LTBP4: variants seen among roughly 807,000 people sequenced by gnomAD.
LTBP4 encodes the protein latent-transforming growth factor beta-binding protein 4.
A neutral mutation model predicts 180.2 loss-of-function variants in LTBP4; 93 were observed. The ratio of observed to expected loss-of-function variants is 0.52; its 90% CI spans 0.44 to 0.61. The LOEUF (loss-of-function observed/expected upper bound fraction) is 0.61. LTBP4 is among the 20% of genes least tolerant of loss of function. The probability of loss-of-function intolerance (pLI) is 0.00; values close to 1 mark genes in which losing one functional copy is unlikely to be tolerated. For missense variants in LTBP4, 2,116 were observed against 2,256.5 expected, an observed-to-expected ratio of 0.94 and a Z score of 1.26; for synonymous variants, 947 against 934.5, an observed-to-expected ratio of 1.01 and a Z score of -0.24.
upstream of LTBP4, chr19:40,597,133 C>A (rs578186425): frequency 5.3e-3 from 5,802 of 1,086,838 alleles, 20 homozygotes; most frequent in Admixed American, 7.7e-3. Context: ...GAAAGTGAGT[C>A]GGCCTCGGGC....
chr19:40,622,883 G>A lies in LTBP4; in HGVS notation c.3485-67G>A. 1 of 1,519,564 alleles carries A rather than the reference G, an allele frequency of 6.6e-7. No homozygotes were observed. The highest frequency in any genetic ancestry group is 9.0e-7 in the Non-Finnish European group (1 of 1,110,056). The allele number at this position is 1,519,564 out of a possible 1,614,324, so 94.1% of individuals were successfully genotyped here. A position where few individuals can be genotyped will look rare whatever the true frequency, so the allele number is the denominator to read the frequency against. ...GCCAGAGGGACTTTTGTGACAAGTG[G>A]GCACGAGCAGGTCAGGGCTGGGGCT... On this transcript the variant is annotated intron_variant, in intron 23 of 29. Coordinates refer to ENST00000396819, the MANE Select transcript of LTBP4 (RefSeq NM_001042545.2). The surrounding 1 kb of genome is among the most constrained non-coding windows in gnomAD (Gnocchi z 5.1).
rs750946756 is a variant in LTBP4 at position 40,611,302 on chromosome 19, G to A, written c.1961G>A (p.Cys654Tyr). 6 of 1,611,972 alleles carry A rather than the reference G, an allele frequency of 3.7e-6. No individual in the cohort carries two copies. The highest frequency in any genetic ancestry group is 5.1e-6 in the Non-Finnish European group (6 of 1,179,440). ...VDECAQEPPP[C>Y]GPGRCDNTAG... ...GAGTGTGCCCAGGAGCCGCCGCCCT[G>A]TGGGCCCGGCCGCTGTGACAACACG... Residue 654 changes from cysteine to tyrosine, a missense_variant, in exon 13 of 30, where the codon TGT becomes TAT. Cys to Tyr is a radical substitution (Grantham distance 194). Around this residue, in one of 5 missense-constraint regions of LTBP4, gnomAD observed 877 missense variants for 873.6 expected, o/e 1.00. Transcript: ENST00000396819. The surrounding 1 kb of genome is among the most constrained non-coding windows in gnomAD (Gnocchi z 4.4).
upstream of LTBP4, chr19:40,599,229 C>T (rs2081407103): frequency 6.2e-7 from 1 of 1,612,874 alleles, no homozygotes; most frequent in Non-Finnish European, 8.5e-7. Flanking sequence ...CCGGGCCAGA[C>T]GTCTAGGAGG....
In LTBP4 at chr19:40,624,081, C is replaced by T; in HGVS notation, c.3831C>T (p.Leu1277=). 6.4e-7 allele frequency: 1 copy of T among 1,550,694 alleles called. No homozygotes were observed. The highest frequency in any genetic ancestry group is 1.9e-4 in the Middle Eastern group (1 of 5,162). ...RRCVSNESQS[L]DDNLGVCWQE... is the part of the protein sequence containing the mutation. ...GCGTCTCCAACGAGAGCCAGAGCCTCGGTAACCCCGCCCACGCCATCCAGG... is the reference window on the plus strand; with the variant it reads ...GCGTCTCCAACGAGAGCCAGAGCCTTGGTAACCCCGCCCACGCCATCCAGG... The change falls in exon 26 of 30, where the codon CTC becomes CTT. Residue 1277 remains leucine (L), a splice_region_variant and synonymous_variant. Transcript: ENST00000396819.
At chr19:40,625,297 TATATA>T (rs2081623130) in intron 26 of LTBP4, among the ~76,000 whole-genome samples, 1 of 20,548 alleles carries the variant, frequency 4.9e-5, no homozygotes, top group Non-Finnish European at 7.3e-5. Context: ...TATATATATA[TATATA>T]TATATATATA....
intron 19 of LTBP4, among the ~76,000 whole-genome samples, chr19:40,615,689 C>T (rs186433541): frequency 2.6e-5 from 4 of 152,100 alleles, no homozygotes; most frequent in East Asian, 1.9e-4. Context: ...ACCCGGGAGG[C>T]GGAGGTGGCA....
rs548191116 is a variant in LTBP4, at chr19:40,606,939, C to T, written c.991+413C>T. ...AATTTTTTTGTATTTTTGGTAGAGA[C>T]AGGGTTTCGCCACGTTGGCCAGGCT... On this transcript the variant is annotated intron_variant, in intron 6 of 29. Coordinates refer to ENST00000396819, the MANE Select transcript of LTBP4 (RefSeq NM_001042545.2). Among the ~76,000 whole-genome samples, 4 of 152,260 alleles carry T rather than the reference C, an allele frequency of 2.6e-5. No individual in the cohort carries two copies. In the East Asian group the frequency reaches 7.7e-4, roughly 29 times the overall value.
upstream of LTBP4, among the ~76,000 whole-genome samples, chr19:40,596,647 T>A (rs139106657): frequency 2.6e-5 from 4 of 152,154 alleles, no homozygotes; most frequent in East Asian, 7.7e-4. Context: ...ATCAATTCTT[T>A]GAGAAGATCC....
Position 40,607,586 on chromosome 19 carries a change from C to A in LTBP4, c.1156+57C>A, listed in dbSNP as rs1024577975. ...CGCAACACATGTGGCGCTCATTCTA[C>A]GCCCCACCCTCCAACCCTGAGTTCA... On this transcript the variant is annotated intron_variant, in intron 7 of 29. Transcript: ENST00000396819. 1.1e-5 allele frequency: 17 copies of A among 1,502,440 alleles called. No individual in the cohort carries two copies. In the East Asian group the frequency reaches 4.1e-4, roughly 36 times the overall value. The allele number at this position is 1,502,440 out of a possible 1,614,324, so 93.1% of individuals were successfully genotyped here.
chr19:40,613,768 G>T lies in LTBP4; in HGVS notation c.2558-148G>T. The T allele has an allele frequency of 7.6e-7, 1 of 1,323,052 alleles. No homozygotes were observed. Among genetic ancestry groups the T allele is most frequent in the Non-Finnish European group, 1.1e-6 (1 of 951,520 alleles). The allele number at this position is 1,323,052 out of a possible 1,614,324, so 82.0% of individuals were successfully genotyped here. A position where few individuals can be genotyped will look rare whatever the true frequency, so the allele number is the denominator to read the frequency against. On this transcript the variant is annotated intron_variant, in intron 17 of 29. Transcript: ENST00000396819. The surrounding 1 kb of genome is among the most constrained non-coding windows in gnomAD (Gnocchi z 5.0). ...AGAAGCTGTTCTAAACCCGTCGGGG[G>T]GCGGTGTTTGCAGGGAGGGAAGTAG...
At position 40,624,022 on chromosome 19, in the gene LTBP4, C is replaced by T. The variant is rs1235119499; in HGVS notation, c.3772C>T (p.Pro1258Ser). The change falls in exon 26 of 30, where the codon CCC becomes TCC. Residue 1258 changes from proline (P) to serine (S), a missense_variant. By Grantham distance (74) the Pro-to-Ser change is moderately conservative. This residue lies in a region of LTBP4 where 488 missense variants were observed against 458.8 expected (regional missense o/e 1.06). Coordinates refer to ENST00000396819, the MANE Select transcript of LTBP4 (RefSeq NM_001042545.2). ...GGGCTCTTATCACTGTACCTGCGAG[C>T]CCCCACTGGTGCTGGATGGCTCGCA... ...TVGSYHCTCE[P>S]PLVLDGSQRR... 1 of 1,608,702 alleles carries T rather than the reference C, an allele frequency of 6.2e-7. No homozygotes were observed. Among genetic ancestry groups the T allele is most frequent in the South Asian group, 1.1e-5 (1 of 90,442 alleles).
Position 40,601,419 on chromosome 19 carries a change from C to G in LTBP4, c.32C>G (p.Ser11Trp). 7.0e-7 allele frequency: 1 copy of G among 1,422,606 alleles called. No individual in the cohort carries two copies. Among genetic ancestry groups the G allele is most frequent in the Non-Finnish European group, 9.2e-7 (1 of 1,086,160 alleles). 88.1% of individuals were successfully genotyped at this position (1,422,606 alleles called of 1,614,324 possible). A position where few individuals can be genotyped will look rare whatever the true frequency, so the allele number is the denominator to read the frequency against. Residue 11 changes from serine to tryptophan, a missense_variant, in exon 1 of 30, where the codon TCG becomes TGG. Physicochemically the swap from Ser to Trp is radical, Grantham distance 177 (BLOSUM62 -3). Coordinates refer to ENST00000396819, the MANE Select transcript of LTBP4 (RefSeq NM_001042545.2). ...GGCGGCGTGCGGCTGCTCTGGGTGT[C>G]GCTATTGGTGCTGCTGGCGCAGCTA... MAGGVRLLWV[S>W]LLVLLAQLGP...
chr19:40,603,466 C>CT (rs2081437704), intron 1 of LTBP4, among the ~76,000 whole-genome samples: 2 of 152,190 alleles, frequency 1.3e-5, no homozygotes, highest in African/African-American at 4.8e-5. Flanking sequence ...AACTGGTTGT[C>CT]TCCTAGGCGG....
chr19:40,621,178 G>A (rs1249223469), intron 22 of LTBP4, among the ~76,000 whole-genome samples: 4 of 151,932 alleles, frequency 2.6e-5, no homozygotes, highest in African/African-American at 9.7e-5. Flanking sequence ...CCTGACCTCA[G>A]GTCATCCACC....
intron 18 of LTBP4, 96 bp from the exon 19 acceptor site, chr19:40,614,219 C>G: frequency 6.7e-7 from 1 of 1,495,842 alleles, no homozygotes; most frequent in South Asian, 1.2e-5. Context: ...TCCTCTGCTT[C>G]CCCGGCCTCC....
In LTBP4 at chr19:40,612,141, C is replaced by A. The variant is rs1365754252; in HGVS notation, c.2248C>A (p.Gln750Lys). The A allele has an allele frequency of 1.9e-6, 3 of 1,612,942 alleles. No individual in the cohort carries two copies. The East Asian group carries it at 6.7e-5, about 36-fold the overall frequency. ...QECVNSPGSF[Q>K]CRTCPSGHHL... is the part of the protein sequence containing the mutation. The stretch of plus-strand genomic sequence containing the variant: ...GTGTGTGAACTCGCCCGGCTCCTTC[C>A]AGTGCAGGACCTGTCCTTCTGGCCA... Residue 750 changes from glutamine to lysine, a missense_variant, in exon 15 of 30, where the codon CAG becomes AAG. Around this residue, in one of 5 missense-constraint regions of LTBP4, gnomAD observed 877 missense variants for 873.6 expected, o/e 1.00. Transcript: ENST00000396819.
rs2081646812 is a variant in LTBP4, at chr19:40,627,736, G to A, written c.4398G>A (p.Glu1466=). The A allele has an allele frequency of 6.3e-7, 1 of 1,597,928 alleles. No individual in the cohort carries two copies. The highest frequency in any genetic ancestry group is 8.5e-7 in the Non-Finnish European group (1 of 1,173,746). Residue 1466 remains glutamate, a synonymous_variant, in exon 29 of 30, where the codon GAG becomes GAA. Transcript: ENST00000396819. ...TGGCTGAGCCCTACGAGGAGCTGGAGGCGGAGGAGTGCGGGATCCTGGACG... is the reference window on the plus strand; with the variant it reads ...TGGCTGAGCCCTACGAGGAGCTGGAAGCGGAGGAGTGCGGGATCCTGGACG... ...GSLAEPYEEL[E]AEECGILDGC... is the part of the protein sequence containing the mutation.
chr19:40,599,700 G>C, upstream of LTBP4: 1 of 737,574 alleles, frequency 1.4e-6, no homozygotes, highest in Non-Finnish European at 2.2e-6. Flanking sequence ...CTGTCTGTCC[G>C]TTTCTATTTC....
At chr19:40,595,438 C>T (rs1391396506) in intron 1 of LTBP4, among the ~76,000 whole-genome samples, 1 of 109,148 alleles carries the variant, frequency 9.2e-6, no homozygotes, top group Non-Finnish European at 1.9e-5. Flanking sequence ...TGCCCCTGAC[C>T]CACAGGATCT....
Sources: allele counts gnomAD v4.1 joint callset (sites outside exome capture counted in the v4.1 genomes callset), GRCh38; gene constraint gnomAD v4.1.1; regional missense constraint gnomAD v4.1.1; non-coding constraint Gnocchi (gnomAD v3.1); transcripts MANE v1.5; gene names NCBI Gene and HGNC (gene_info 2026-07-23, HGNC 2026-07-21).